Variants in CD99 observed in about 807,000 individuals in gnomAD.
CD99 encodes CD99 molecule (Xg blood group), also known as CD99 antigen.
Under a neutral mutation model 28.4 loss-of-function variants are expected in CD99, and 19 were observed. The observed-to-expected ratio is 0.67, with a 90% CI of 0.47 to 0.98. CD99 has a LOEUF of 0.98. Among genes scored for constraint, CD99 ranks in the 50% least tolerant of loss-of-function variants. The pLI is 0.00. For synonymous variants in CD99, 103 were observed against 92.1 expected, an observed-to-expected ratio of 1.12 and a Z score of -0.67; for missense variants, 283 against 248.8, an observed-to-expected ratio of 1.14 and a Z score of -0.92.
chrX:2,692,833 T>C (rs1177707185), intron 1 of CD99, among the ~76,000 whole-genome samples: 1 of 152,202 alleles, frequency 6.6e-6, no homozygotes, highest in African/African-American at 2.4e-5. Flanking sequence ...GCACCTACTG[T>C]GGGCTTGGGG....
At chrX:2,717,937 CTTTTTTTTT>C (rs527447220) in intron 3 of CD99, 12 of 164,812 alleles carry the variant, frequency 7.3e-5, no homozygotes, top group South Asian at 1.2e-4. Flanking sequence ...ATTTTCTTCC[CTTTTTTTTT>C]TTTTTTTTTT....
At chrX:2,725,315 A>C (rs1359439033) in intron 7 of CD99, among the ~76,000 whole-genome samples, 1 of 151,704 alleles carries the variant, frequency 6.6e-6, no homozygotes, top group Non-Finnish European at 1.5e-5. Flanking sequence ...GGAGGATCTC[A>C]TGAGCCCAGG....
intron 1 of CD99, among the ~76,000 whole-genome samples, chrX:2,709,608 G>C (rs185801800): frequency 1.3e-5 from 2 of 152,224 alleles, no homozygotes; most frequent in Non-Finnish European, 2.9e-5. Context: ...GAGCACACAC[G>C]TGCACACACA....
At chrX:2,712,022 G>A (rs956194922) in intron 1 of CD99, among the ~76,000 whole-genome samples, 3 of 152,190 alleles carry the variant, frequency 2.0e-5, no homozygotes, top group African/African-American at 7.2e-5. Flanking sequence ...GGGCAACAGA[G>A]TGAGACTCTG....
intron 1 of CD99, among the ~76,000 whole-genome samples, chrX:2,697,729 C>T (rs1434206941): frequency 1.3e-5 from 2 of 151,996 alleles, no homozygotes; most frequent in Non-Finnish European, 2.9e-5. Context: ...TATTGCCAGT[C>T]GGCCTCTTCT....
chrX:2,728,771 G>T (rs2049430662), intron 8 of CD99, among the ~76,000 whole-genome samples: 1 of 151,292 alleles, frequency 6.6e-6, no homozygotes, highest in Admixed American at 6.6e-5. Flanking sequence ...CAGGAGGTAA[G>T]GAAGGCTTGT....
At chrX:2,695,925 G>GA (rs1603257060) in intron 1 of CD99, among the ~76,000 whole-genome samples, 1 of 152,052 alleles carries the variant, frequency 6.6e-6, no homozygotes, top group African/African-American at 2.4e-5. Context: ...TGAGCCACCT[G>GA]AAAAATCATT....
At chrX:2,709,909 A>T (rs754289377) in intron 1 of CD99, among the ~76,000 whole-genome samples, 1 of 152,166 alleles carries the variant, frequency 6.6e-6, no homozygotes, top group African/African-American at 2.4e-5. Context: ...TGGGTGGGCA[A>T]ATGGCCCCCC....
At position 2,738,181 on chromosome X, in the gene CD99, A is replaced by G; in HGVS notation, c.476-19A>G. 6.2e-7 allele frequency: 1 copy of G among 1,612,386 alleles called. No homozygotes were observed. The highest frequency in any genetic ancestry group is 8.5e-7 in the Non-Finnish European group (1 of 1,178,596). On this transcript the variant is annotated intron_variant, in intron 8 of 9. Coordinates refer to ENST00000381192, the MANE Select transcript of CD99 (RefSeq NM_002414.5). The stretch of plus-strand genomic sequence containing the variant: ...TCTGTTGCACTGAGCCTCTCTGTGT[A>G]TTTTCTTCTTCTTTTCAGCAGAACA...
chrX:2,733,621 TGAAGA>T (rs2049790364), intron 8 of CD99: 1 of 529,468 alleles, frequency 1.9e-6, no homozygotes, highest in Non-Finnish European at 3.4e-6. Context: ...CTTCAGAAAA[TGAAGA>T]GAAATGCAGA....
intron 1 of CD99, among the ~76,000 whole-genome samples, chrX:2,705,067 C>T (rs765074150): frequency 6.6e-6 from 1 of 152,352 alleles, no homozygotes; most frequent in East Asian, 1.9e-4. Context: ...TTAACTATTG[C>T]TACAGACATG....
chrX:2,733,417 G>A (rs1002237685), intron 8 of CD99: 70 of 1,568,342 alleles, frequency 4.5e-5, no homozygotes, highest in African/African-American at 3.4e-4. Context: ...CGTCCTGACC[G>A]TAATCGTTTT....
intron 8 of CD99, among the ~76,000 whole-genome samples, chrX:2,726,775 A>G (rs1043731148): frequency 6.6e-6 from 1 of 152,050 alleles, no homozygotes; most frequent in African/African-American, 2.4e-5. Flanking sequence ...AACCGATGTC[A>G]TCATCAGGAG....
intron 8 of CD99, among the ~76,000 whole-genome samples, chrX:2,735,561 A>G (rs1314219235): frequency 6.6e-6 from 1 of 152,232 alleles, no homozygotes; most frequent in Non-Finnish European, 1.5e-5. Context: ...GTTTTATAAA[A>G]TTACAGGAAT....
chrX:2,711,779 C>G (rs2124537092), intron 1 of CD99, among the ~76,000 whole-genome samples: 1 of 152,238 alleles, frequency 6.6e-6, no homozygotes, highest in African/African-American at 2.4e-5. Context: ...GTGGCTCATG[C>G]CTGTCATCCT....
chrX:2,733,768 G>T, intron 8 of CD99: 1 of 257,254 alleles, frequency 3.9e-6, no homozygotes, highest in Non-Finnish European at 7.4e-6. Flanking sequence ...TCCCTGCAGT[G>T]TCCTAGGTTA....
intron 1 of CD99, 52 bp downstream of exon 1, chrX:2,691,479 A>G (rs1178281966): frequency 1.3e-6 from 2 of 1,537,692 alleles, no homozygotes; most frequent in South Asian, 1.2e-5. Flanking sequence ...GCGGGCCGGG[A>G]CTGGGGATCC....
At chrX:2,725,537 C>T (rs1390365925) in intron 7 of CD99, among the ~76,000 whole-genome samples, 2 of 152,208 alleles carry the variant, frequency 1.3e-5, no homozygotes, top group African/African-American at 4.8e-5. Flanking sequence ...CCAAGCATTG[C>T]AGGTCTTTGC....
chrX:2,739,474 G>T (rs1472314082), intron 9 of CD99, among the ~76,000 whole-genome samples: 1 of 151,662 alleles, frequency 6.6e-6, no homozygotes, highest in African/African-American at 2.4e-5. Flanking sequence ...TTTTGAGATG[G>T]AGTGTCTCTC....
Sources: gnomAD v4.1 joint callset for allele counts (sites outside exome capture counted in the v4.1 genomes callset) on GRCh38, gnomAD v4.1.1 for gene constraint, MANE v1.5 for transcripts, NCBI Gene and HGNC (gene_info 2026-07-23, HGNC 2026-07-21) for gene names.